Variants in PRSS16 observed in about 807,000 individuals in gnomAD.
PRSS16 encodes serine protease 16.
PRSS16 carries 43 observed loss-of-function variants against 61.7 expected under a neutral mutation model. The observed-to-expected ratio is 0.70, with a 90% confidence interval of 0.55 to 0.90. The LOEUF (loss-of-function observed/expected upper bound fraction) is 0.90. Among genes scored for constraint, PRSS16 ranks in the 40% least tolerant of loss-of-function variants. PRSS16 has a pLI of 0.00. For synonymous variants in PRSS16, 273 were observed against 285.2 expected (o/e 0.96, Z 0.43); for missense variants, 591 against 659.1 (o/e 0.90, Z 1.13).
chr6:27,252,986 A>G lies in PRSS16; in HGVS notation c.1150+37A>G. On this transcript the variant is annotated intron_variant, in intron 9 of 11. Coordinates refer to ENST00000230582, the MANE Select transcript of PRSS16 (RefSeq NM_005865.4). This position sits in a 1 kb window ranked among gnomAD's most constrained non-coding sequence, Gnocchi z 4.2. Reference sequence around the variant, plus strand: ...GCCTAACCCTAACTTTGTCCCCTCAAACAACCTTTTTACTATGCCCAGAGA... The same window carrying G: ...GCCTAACCCTAACTTTGTCCCCTCAGACAACCTTTTTACTATGCCCAGAGA... The G allele has an allele frequency of 6.2e-7, 1 of 1,613,762 alleles. No homozygotes were observed. The highest frequency in any genetic ancestry group is 8.5e-7 in the Non-Finnish European group (1 of 1,179,790).
intron 9 of PRSS16, chr6:27,253,350 G>A (rs952098761): frequency 3.0e-6 from 1 of 331,966 alleles, no homozygotes; most frequent in Non-Finnish European, 6.0e-6. Flanking sequence ...CATCCCTTGT[G>A]CTTTCTATGC....
In PRSS16 at chr6:27,255,109, C is replaced by T. The variant is rs1460365344; in HGVS notation, c.1454C>T (p.Pro485Leu). The stretch of plus-strand genomic sequence containing the variant: ...GCACCTGAGAGGCCCTCAGACTCCC[C>T]CAGCCTCCGCCTAGGGCGCCAGGTA... ...DMAPERPSDS[P>L]SLRLGRQNIF... Residue 485 changes from proline (P) to leucine (L), a missense_variant, in exon 11 of 12, where the codon CCC becomes CTC. Coordinates refer to ENST00000230582, the MANE Select transcript of PRSS16 (RefSeq NM_005865.4). This position sits in a 1 kb window ranked among gnomAD's most constrained non-coding sequence, Gnocchi z 4.4. The T allele has an allele frequency of 1.2e-6, 2 of 1,614,234 alleles. No individual in the cohort carries two copies. Among genetic ancestry groups the T allele is most frequent in the South Asian group, 1.1e-5 (1 of 91,082 alleles).
At position 27,251,606 on chromosome 6, in the gene PRSS16, C is replaced by CGGGGGCCTGGGGGA; in HGVS notation, c.718-133_718-132insGGAGGGGGCCTGGG. 2 of 539,778 alleles carry CGGGGGCCTGGGGGA rather than the reference C, an allele frequency of 3.7e-6. No homozygotes were observed. The highest frequency in any genetic ancestry group is 4.8e-6 in the Non-Finnish European group (2 of 421,042). 33.4% of individuals were successfully genotyped at this position (539,778 alleles called of 1,614,324 possible). A position where few individuals can be genotyped will look rare whatever the true frequency, so the allele number is the denominator to read the frequency against. On this transcript the variant is annotated intron_variant, in intron 7 of 11. Transcript: ENST00000230582. This position sits in a 1 kb window ranked among gnomAD's most constrained non-coding sequence, Gnocchi z 5.6. ...GGGATTGGGGGCGGGGGCCTGGGGG[C>CGGGGGCCTGGGGGA]GGGGGCCTGGGCCAAGAGCTAGGTC...
In PRSS16 at chr6:27,256,338, C is replaced by T. The variant is rs941753024; in HGVS notation, c.*1023C>T. ...TCTTCCAGGGCCTGGGAGGATAGGG[C>T]TAATCCCAAGGGTGCCTGCTTAGGC... On this transcript the variant is annotated 3_prime_UTR_variant, in exon 12 of 12. Coordinates refer to ENST00000230582, the MANE Select transcript of PRSS16 (RefSeq NM_005865.4). 1 of 152,696 alleles carries T rather than the reference C, an allele frequency of 6.5e-6. No individual in the cohort carries two copies. The allele number at this position is 152,696 out of a possible 1,614,324, so 9.5% of individuals were successfully genotyped here.
Position 27,248,908 on chromosome 6 carries a change from G to A in PRSS16, c.299G>A (p.Gly100Glu). ...GATGGACCCATATTCCTGCATCTAGGGGGTGAGGGCAGCCTTGGGCCTGGC... is the reference window on the plus strand; with the variant it reads ...GATGGACCCATATTCCTGCATCTAGAGGGTGAGGGCAGCCTTGGGCCTGGC... ...GQDGPIFLHL[G>E]GEGSLGPGSV... Residue 100 changes from glycine to glutamate, a missense_variant, in exon 3 of 12, where the codon GGG becomes GAG. Coordinates refer to ENST00000230582, the MANE Select transcript of PRSS16 (RefSeq NM_005865.4). 6.2e-7 allele frequency: 1 copy of A among 1,613,056 alleles called. No individual in the cohort carries two copies. The highest frequency in any genetic ancestry group is 8.5e-7 in the Non-Finnish European group (1 of 1,179,436).
Position 27,251,645 on chromosome 6 carries a change from T to A in PRSS16, c.718-105T>A. 2.2e-6 allele frequency: 3 copies of A among 1,386,514 alleles called. No homozygotes were observed. The highest frequency in any genetic ancestry group is 2.8e-5 in the Admixed American group (1 of 35,384). The allele number at this position is 1,386,514 out of a possible 1,614,324, so 85.9% of individuals were successfully genotyped here. A position where few individuals can be genotyped will look rare whatever the true frequency, so the allele number is the denominator to read the frequency against. ...AAGAGCTAGGTCTGCACCCTCTGAG[T>A]CCCGCTAGGGGAAAGTGGGGAACCC... On this transcript the variant is annotated intron_variant, in intron 7 of 11. Transcript: ENST00000230582. The surrounding 1 kb of genome is among the most constrained non-coding windows in gnomAD (Gnocchi z 5.6).
chr6:27,249,179 T>G lies in PRSS16; in HGVS notation c.417T>G (p.Pro139=). 1 of 1,612,608 alleles carries G rather than the reference T, an allele frequency of 6.2e-7. No homozygotes were observed. Among genetic ancestry groups the G allele is most frequent in the Non-Finnish European group, 8.5e-7 (1 of 1,179,770 alleles). The change falls in exon 4 of 12, where the codon CCT becomes CCG. Residue 139 remains proline (P), a synonymous_variant. Transcript: ENST00000230582. ...ACAGATTTTATGGCCTGAGTATACC[T>G]GCTGGAGGCCTGGAAATGGCCCAGC... is the stretch of plus-strand genomic sequence containing the variant. ...LEHRFYGLSI[P]AGGLEMAQLR... is the part of the protein sequence containing the mutation.
Position 27,251,445 on chromosome 6 carries a change from G to C in PRSS16, c.717+181G>C. ...AGCTGACGAAGAGGAGGGGCACCAG[G>C]AAAAGAGGCGCTCCCCAGAGAGGGC... On this transcript the variant is annotated intron_variant, in intron 7 of 11. Coordinates refer to ENST00000230582, the MANE Select transcript of PRSS16 (RefSeq NM_005865.4). The surrounding 1 kb of genome is among the most constrained non-coding windows in gnomAD (Gnocchi z 5.6). 1 of 836,970 alleles carries C rather than the reference G, an allele frequency of 1.2e-6. No individual in the cohort carries two copies. Among genetic ancestry groups the C allele is most frequent in the Non-Finnish European group, 1.8e-6 (1 of 556,826 alleles). The allele number at this position is 836,970 out of a possible 1,614,324, so 51.8% of individuals were successfully genotyped here.
At position 27,255,059 on chromosome 6, in the gene PRSS16, C is replaced by T; in HGVS notation, c.1404C>T (p.Arg468=). 6.2e-7 allele frequency: 1 copy of T among 1,614,104 alleles called. No individual in the cohort carries two copies. Among genetic ancestry groups the T allele is most frequent in the Non-Finnish European group, 8.5e-7 (1 of 1,179,978 alleles). ...CCTCAGAATCAACTCTTCTTATCCG[C>T]ACTGGCTCCCACTGCTTGGACATGG... ...LGSSESTLLI[R]TGSHCLDMAP... Residue 468 remains arginine, a synonymous_variant, in exon 11 of 12, where the codon CGC becomes CGT. Transcript: ENST00000230582. The surrounding 1 kb of genome is among the most constrained non-coding windows in gnomAD (Gnocchi z 4.4).
At position 27,251,435 on chromosome 6, in the gene PRSS16, G is replaced by A. The variant is rs1759895651; in HGVS notation, c.717+171G>A. On this transcript the variant is annotated intron_variant, in intron 7 of 11. Transcript: ENST00000230582. This position sits in a 1 kb window ranked among gnomAD's most constrained non-coding sequence, Gnocchi z 5.6. ...AGAAGGCGGGAGCTGACGAAGAGGA[G>A]GGGCACCAGGAAAAGAGGCGCTCCC... is the stretch of plus-strand genomic sequence containing the variant. The A allele has an allele frequency of 1.1e-6, 1 of 903,214 alleles. No individual in the cohort carries two copies. Among genetic ancestry groups the A allele is most frequent in the African/African-American group, 1.7e-5 (1 of 59,554 alleles). The allele number at this position is 903,214 out of a possible 1,614,324, so 55.9% of individuals were successfully genotyped here.
At chr6:27,254,925 A>G (rs1461843245) in intron 10 of PRSS16, 53 bp downstream of exon 10, 43 of 1,611,704 alleles carry the variant, frequency 2.7e-5, no homozygotes, top group Non-Finnish European at 2.4e-5. Context: ...CCCCAGCTCA[A>G]CATAGCCTCA....
In PRSS16 at chr6:27,252,717, C is replaced by A; in HGVS notation, c.1009-91C>A. Reference sequence around the variant, plus strand: ...CAGGAACTCACCCTTCTATTTCTGACTTTTGACCTCTGGGGACATAGGCCT... The same window carrying A: ...CAGGAACTCACCCTTCTATTTCTGAATTTTGACCTCTGGGGACATAGGCCT... On this transcript the variant is annotated intron_variant, in intron 8 of 11. Transcript: ENST00000230582. This position sits in a 1 kb window ranked among gnomAD's most constrained non-coding sequence, Gnocchi z 4.2. 1 of 1,454,666 alleles carries A rather than the reference C, an allele frequency of 6.9e-7. No homozygotes were observed. Among genetic ancestry groups the A allele is most frequent in the Non-Finnish European group, 9.5e-7 (1 of 1,055,522 alleles). 90.1% of individuals were successfully genotyped at this position (1,454,666 alleles called of 1,614,324 possible).
At position 27,251,271 on chromosome 6, in the gene PRSS16, G is replaced by A; in HGVS notation, c.717+7G>A. On this transcript the variant is annotated splice_region_variant and intron_variant, in intron 7 of 11. Transcript: ENST00000230582. The surrounding 1 kb of genome is among the most constrained non-coding windows in gnomAD (Gnocchi z 5.6). ...GATCGGCGGGTCCCTGGAGGTAGGAGGTGGGGCCTAGTCCGAGGGGGACTG... is the reference window on the plus strand; with the variant it reads ...GATCGGCGGGTCCCTGGAGGTAGGAAGTGGGGCCTAGTCCGAGGGGGACTG... 1.2e-6 allele frequency: 2 copies of A among 1,602,686 alleles called. No individual in the cohort carries two copies. Among genetic ancestry groups the A allele is most frequent in the Non-Finnish European group, 1.7e-6 (2 of 1,174,424 alleles).
rs1277044973 is a variant in PRSS16, at chr6:27,255,470, C to A, written c.*155C>A. 7.1e-6 allele frequency: 5 copies of A among 702,066 alleles called. No homozygotes were observed. Among genetic ancestry groups the A allele is most frequent in the Non-Finnish European group, 1.2e-5 (5 of 423,788 alleles). 43.5% of individuals were successfully genotyped at this position (702,066 alleles called of 1,614,324 possible). A position where few individuals can be genotyped will look rare whatever the true frequency, so the allele number is the denominator to read the frequency against. The stretch of plus-strand genomic sequence containing the variant: ...GTAATTGGCATGTGTCTGCAAACAT[C>A]CTTATTCCCAACTTAAAGTGCTTTA... On this transcript the variant is annotated 3_prime_UTR_variant, in exon 12 of 12. Coordinates refer to ENST00000230582, the MANE Select transcript of PRSS16 (RefSeq NM_005865.4). The surrounding 1 kb of genome is among the most constrained non-coding windows in gnomAD (Gnocchi z 4.4).
intron 3 of PRSS16, 34 bp from the exon 4 acceptor site, chr6:27,249,066 A>G: frequency 1.0e-6 from 1 of 960,854 alleles, no homozygotes. Flanking sequence ...CTTGCATCTC[A>G]CCTCCCCACC....
rs962203255 is a variant in PRSS16 at position 27,255,441 on chromosome 6, G to A, written c.*126G>A. 67 of 940,124 alleles carry A rather than the reference G, an allele frequency of 7.1e-5. No homozygotes were observed. In the South Asian group the frequency reaches 9.6e-4, roughly 14 times the overall value. 58.2% of individuals were successfully genotyped at this position (940,124 alleles called of 1,614,324 possible). A position where few individuals can be genotyped will look rare whatever the true frequency, so the allele number is the denominator to read the frequency against. On this transcript the variant is annotated 3_prime_UTR_variant, in exon 12 of 12. Coordinates refer to ENST00000230582, the MANE Select transcript of PRSS16 (RefSeq NM_005865.4). The surrounding 1 kb of genome is among the most constrained non-coding windows in gnomAD (Gnocchi z 4.4). ...GGAATTGGAATTCAGCACCTGTTCCGCACGTAATTGGCATGTGTCTGCAAA... is the reference window on the plus strand; with the variant it reads ...GGAATTGGAATTCAGCACCTGTTCCACACGTAATTGGCATGTGTCTGCAAA...
chr6:27,251,953 C>G lies in PRSS16; in HGVS notation c.921C>G (p.Ser307Arg). 1 of 1,608,684 alleles carries G rather than the reference C, an allele frequency of 6.2e-7. No individual in the cohort carries two copies. The highest frequency in any genetic ancestry group is 2.2e-5 in the East Asian group (1 of 44,548). ...ATGGGCAGACGGGAGCGCCGCTAAG[C>G]GTGCGACAGCTCTGCGGACTTCTCC... ...QYDGQTGAPLSVRQLCGLLLG... is the reference protein window; with the variant it reads ...QYDGQTGAPLRVRQLCGLLLG... Residue 307 changes from serine to arginine, a missense_variant, in exon 8 of 12, where the codon AGC becomes AGG. Physicochemically the swap from Ser to Arg is moderately radical, Grantham distance 110. Transcript: ENST00000230582. This position sits in a 1 kb window ranked among gnomAD's most constrained non-coding sequence, Gnocchi z 5.6.
Position 27,250,980 on chromosome 6 carries a change from A to G in PRSS16, c.592-62A>G, listed in dbSNP as rs963672062. 3.2e-5 allele frequency: 51 copies of G among 1,596,872 alleles called. No homozygotes were observed. The African/African-American group carries it at 5.2e-4, about 16-fold the overall frequency. The stretch of plus-strand genomic sequence containing the variant: ...ATTACACAGCGAGTAAGTGACACAG[A>G]GGCAGAAAGATATGCGATTCCAACC... On this transcript the variant is annotated intron_variant, in intron 5 of 11. Coordinates refer to ENST00000230582, the MANE Select transcript of PRSS16 (RefSeq NM_005865.4).
chr6:27,249,797 G>T (rs1759834201), intron 4 of PRSS16, among the ~76,000 whole-genome samples: 2 of 152,092 alleles, frequency 1.3e-5, no homozygotes, highest in Admixed American at 1.3e-4. Flanking sequence ...CTACATTGAA[G>T]TCCTCACTGT....
Sources: gnomAD v4.1 joint callset for allele counts (sites outside exome capture counted in the v4.1 genomes callset) on GRCh38, gnomAD v4.1.1 for gene constraint, Gnocchi (gnomAD v3.1) non-coding constraint, MANE v1.5 for transcripts, NCBI Gene and HGNC (gene_info 2026-07-23, HGNC 2026-07-21) for gene names.